TMEM108: variants seen among roughly 807,000 people sequenced by gnomAD.
TMEM108 encodes the protein cancer/testis antigen 124.
Under a neutral mutation model 35.1 loss-of-function variants are expected in TMEM108, and 12 were observed. The ratio of observed to expected loss-of-function variants is 0.34; its 90% CI spans 0.22 to 0.55. The LOEUF (loss-of-function observed/expected upper bound fraction) is 0.55, where lower values mean the gene tolerates loss of function less well. TMEM108 is among the 20% of genes least tolerant of loss of function. TMEM108 has a pLI of 0.89. For missense variants in TMEM108, 680 were observed against 753.3 expected (o/e 0.90, Z 1.14); for synonymous variants, 287 against 308.6 (o/e 0.93, Z 0.73).
rs557580899 is a variant in TMEM108 at position 133,086,670 on chromosome 3, T to C, written c.-47+40650T>C. Among the ~76,000 whole-genome samples the C allele has an allele frequency of 9.2e-5, 14 of 152,336 alleles. 1 individual carries two copies. Among genetic ancestry groups the C allele is most frequent in the African/African-American group, 3.1e-4 (13 of 41,576 alleles). On this transcript the variant is annotated intron_variant, in intron 2 of 5. Transcript: ENST00000321871. ...AGATAGGGTCCTGCTTTCACAGAGC[T>C]GATGATTCTGTAGCATCTGGTACTG...
At chr3:133,331,618 A>G (rs546809396) in intron 3 of TMEM108, among the ~76,000 whole-genome samples, 2 of 152,326 alleles carry the variant, frequency 1.3e-5, no homozygotes, top group South Asian at 2.1e-4. Context: ...CTGAGCAACT[A>G]TGTCAGTGCC....
intron 3 of TMEM108, among the ~76,000 whole-genome samples, chr3:133,370,921 T>TGTGTGTGTGCGC (rs142623622): frequency 7.2e-6 from 1 of 139,290 alleles, no homozygotes; most frequent in Admixed American, 7.3e-5. Context: ...TGTGTGTGTG[T>TGTGTGTGTGCGC]GCCAGGAAGC....
At chr3:133,309,832 C>T (rs969238638) in intron 3 of TMEM108, among the ~76,000 whole-genome samples, 2 of 151,528 alleles carry the variant, frequency 1.3e-5, no homozygotes, top group African/African-American at 4.8e-5. Flanking sequence ...TCCCAAGTAG[C>T]TGGGACTACA....
intron 2 of TMEM108, among the ~76,000 whole-genome samples, chr3:133,086,864 A>T (rs749581187): frequency 6.6e-6 from 1 of 152,224 alleles, no homozygotes; most frequent in Non-Finnish European, 1.5e-5. Flanking sequence ...ATGAGATAAC[A>T]TGAGATTCCA....
At chr3:133,354,909 A>C (rs1476246101) in intron 3 of TMEM108, among the ~76,000 whole-genome samples, 1 of 151,812 alleles carries the variant, frequency 6.6e-6, no homozygotes, top group Non-Finnish European at 1.5e-5. Context: ...GCTGTAGTTC[A>C]CTTCTGATTT....
intron 3 of TMEM108, among the ~76,000 whole-genome samples, chr3:133,270,791 A>G (rs1946759264): frequency 1.2e-5 from 1 of 81,038 alleles, no homozygotes; most frequent in Non-Finnish European, 2.7e-5. Context: ...TGTTCGAAGA[A>G]TGTACACACA....
chr3:133,185,726 C>T (rs531311301), intron 2 of TMEM108, among the ~76,000 whole-genome samples: 2 of 151,774 alleles, frequency 1.3e-5, no homozygotes, highest in African/African-American at 2.4e-5. Context: ...GCAGGTGCCT[C>T]CACTGCCTTT....
At chr3:133,237,790 TTG>T (rs1267126675) in intron 3 of TMEM108, among the ~76,000 whole-genome samples, 1 of 152,210 alleles carries the variant, frequency 6.6e-6, no homozygotes, top group Non-Finnish European at 1.5e-5. Flanking sequence ...TTCTAATTTT[TTG>T]TGTTAGCAAA....
At chr3:133,146,057 A>G (rs1431134589) in intron 2 of TMEM108, among the ~76,000 whole-genome samples, 1 of 152,138 alleles carries the variant, frequency 6.6e-6, no homozygotes, top group Non-Finnish European at 1.5e-5. Flanking sequence ...TTTCAAAGGG[A>G]ATGCTTCCAA....
rs527278498 is a variant in TMEM108, at chr3:133,166,354, G to GA, written c.-46-62905dup. Among the ~76,000 whole-genome samples the GA allele has an allele frequency of 4.5e-3, 678 of 152,140 alleles. 5 individuals are homozygous for GA. Among genetic ancestry groups the GA allele is most frequent in the African/African-American group, 0.015 (642 of 41,500 alleles). ...ACCCGTAAACTAAAAATAGAAGTTG[G>GA]AAAAAAATCGTTTATTTTACTCATA... On this transcript the variant is annotated intron_variant, in intron 2 of 5. Coordinates refer to ENST00000321871, the MANE Select transcript of TMEM108 (RefSeq NM_023943.4).
chr3:133,255,004 G>C (rs1946525338), intron 3 of TMEM108, among the ~76,000 whole-genome samples: 1 of 152,194 alleles, frequency 6.6e-6, no homozygotes, highest in Non-Finnish European at 1.5e-5. Flanking sequence ...ATGTGGCCTT[G>C]ACTTCTTCAC....
intron 3 of TMEM108, chr3:133,248,462 G>T (rs1440963524): frequency 1.3e-5 from 2 of 152,234 alleles, no homozygotes; most frequent in African/African-American, 4.8e-5. Flanking sequence ...ACTGAAGACA[G>T]TTGTGCCATC....
chr3:133,143,894 A>G (rs1177702474), intron 2 of TMEM108, among the ~76,000 whole-genome samples: 2 of 151,404 alleles, frequency 1.3e-5, no homozygotes, highest in Non-Finnish European at 2.9e-5. Context: ...TAAGTTACGA[A>G]CATTCTACAA....
At chr3:133,226,975 C>G (rs1054828018) in intron 2 of TMEM108, among the ~76,000 whole-genome samples, 2 of 151,926 alleles carry the variant, frequency 1.3e-5, no homozygotes, top group Non-Finnish European at 2.9e-5. Context: ...CAGGGAAACT[C>G]CCATTTTTAA....
chr3:133,050,030 A>G (rs9881794), intron 2 of TMEM108, among the ~76,000 whole-genome samples: 60,970 of 152,028 alleles, frequency 0.4, 12,805 homozygotes, highest in Admixed American at 0.5. Context: ...GATATTATGT[A>G]TTAATATTAC....
chr3:133,122,190 T>C (rs1185781536), intron 2 of TMEM108, among the ~76,000 whole-genome samples: 1 of 152,166 alleles, frequency 6.6e-6, no homozygotes, highest in Non-Finnish European at 1.5e-5. Flanking sequence ...AAAAGATGAC[T>C]CAAGCATTAG....
chr3:133,249,395 G>A (rs930374250), intron 3 of TMEM108, among the ~76,000 whole-genome samples: 2 of 152,058 alleles, frequency 1.3e-5, no homozygotes, highest in Non-Finnish European at 2.9e-5. Flanking sequence ...GGGGTTGAGG[G>A]GAAAAACGAG....
intron 3 of TMEM108, among the ~76,000 whole-genome samples, chr3:133,343,523 G>A (rs2107751893): frequency 6.6e-6 from 1 of 152,042 alleles, no homozygotes; most frequent in East Asian, 1.9e-4. Context: ...CAATCATGCA[G>A]TGGAACACTA....
chr3:133,245,412 C>A (rs572131317), intron 3 of TMEM108, among the ~76,000 whole-genome samples: 1 of 152,354 alleles, frequency 6.6e-6, no homozygotes, highest in East Asian at 1.9e-4. Flanking sequence ...CCCAGCCTGG[C>A]ATGGGTGGCT....
Sources: allele counts gnomAD v4.1 joint callset (sites outside exome capture counted in the v4.1 genomes callset), GRCh38; gene constraint gnomAD v4.1.1; transcripts MANE v1.5; gene names NCBI Gene and HGNC (gene_info 2026-07-23, HGNC 2026-07-21).